The following CSMD1 variants were observed in gnomAD, a reference collection of about 807,000 sequenced individuals.
The protein encoded by CSMD1 is CUB and sushi domain-containing protein 1.
Under a neutral mutation model 417.5 loss-of-function variants are expected in CSMD1, and 213 were observed. The observed-to-expected ratio is 0.51, with a 90% confidence interval of 0.46 to 0.57. The LOEUF (loss-of-function observed/expected upper bound fraction) is 0.57, where lower values mean the gene tolerates loss of function less well. Ranked by LOEUF, CSMD1 falls within the 20% of genes least tolerant of loss-of-function variation. CSMD1 has a pLI of 0.00. For missense variants in CSMD1, 6,923 were observed against 4,529.7 expected (o/e 1.53, Z -15.17); for synonymous variants, 2,862 against 1,736.8 (o/e 1.65, Z -16.11).
At chr8:3,372,489 A>C (rs1190348782) in intron 18 of CSMD1, among the ~76,000 whole-genome samples, 2 of 152,158 alleles carry the variant, frequency 1.3e-5, no homozygotes, top group Non-Finnish European at 2.9e-5. Context: ...CAGGACCCCG[A>C]ACCAGGGCAT....
Position 3,289,309 on chromosome 8 carries a change from C to T in CSMD1, c.3951-4963G>A, listed in dbSNP as rs577884121. 2.2e-4 allele frequency among the ~76,000 whole-genome samples: 32 copies of T among 147,188 alleles called. 2 individuals are homozygous for T. Among genetic ancestry groups the T allele is most frequent in the African/African-American group, 7.8e-4 (29 of 36,970 alleles). Reference sequence around the variant, plus strand: ...CATACGTGTGCATGTGTCTTTATAGCAGCATGATTTATAATCCTTTGGGTA... The same window carrying T: ...CATACGTGTGCATGTGTCTTTATAGTAGCATGATTTATAATCCTTTGGGTA... On this transcript the variant is annotated intron_variant, in intron 25 of 69. Transcript: ENST00000635120.
chr8:3,682,811 G>C (rs1014168144), intron 7 of CSMD1, among the ~76,000 whole-genome samples: 1 of 152,222 alleles, frequency 6.6e-6, no homozygotes, highest in Non-Finnish European at 1.5e-5. Context: ...AACAATGACA[G>C]ATGGGATTAA....
At chr8:3,293,388 G>C (rs1356602297) in intron 25 of CSMD1, among the ~76,000 whole-genome samples, 1 of 152,036 alleles carries the variant, frequency 6.6e-6, no homozygotes, top group Non-Finnish European at 1.5e-5. Flanking sequence ...GCTAGATTGG[G>C]GAATTTCTCC....
intron 66 of CSMD1, among the ~76,000 whole-genome samples, chr8:2,950,577 C>G (rs1802561237): frequency 6.6e-6 from 1 of 152,102 alleles, no homozygotes; most frequent in Non-Finnish European, 1.5e-5. Context: ...CCACTAAGTT[C>G]AATATCCTTA....
chr8:4,851,881 C>A (rs951145838), intron 1 of CSMD1, among the ~76,000 whole-genome samples: 1 of 152,164 alleles, frequency 6.6e-6, no homozygotes, highest in Non-Finnish European at 1.5e-5. Flanking sequence ...ATTTCTCACA[C>A]CCCATAGAGA....
chr8:4,641,704 G>C (rs573182760), intron 1 of CSMD1, among the ~76,000 whole-genome samples: 2 of 152,270 alleles, frequency 1.3e-5, no homozygotes, highest in African/African-American at 4.8e-5. Flanking sequence ...CAGACCTCAT[G>C]TATGGTGATC....
intron 3 of CSMD1, among the ~76,000 whole-genome samples, chr8:4,241,025 G>C (rs1231388389): frequency 1.3e-5 from 2 of 152,118 alleles, no homozygotes; most frequent in Admixed American, 6.5e-5. Context: ...TGACTGACTA[G>C]TGTTATTTCT....
chr8:4,680,206 C>T (rs1362099654), intron 1 of CSMD1, among the ~76,000 whole-genome samples: 1 of 152,148 alleles, frequency 6.6e-6, no homozygotes, highest in Non-Finnish European at 1.5e-5. Flanking sequence ...TAATTGTGTT[C>T]TGCAAAAATG....
chr8:4,713,069 T>A (rs1808412823), intron 1 of CSMD1, among the ~76,000 whole-genome samples: 1 of 152,178 alleles, frequency 6.6e-6, no homozygotes, highest in South Asian at 2.1e-4. Flanking sequence ...CCAGAATCGG[T>A]CCCCGCTGCA....
At chr8:4,310,645 T>G (rs892151319) in intron 3 of CSMD1, among the ~76,000 whole-genome samples, 2 of 152,164 alleles carry the variant, frequency 1.3e-5, no homozygotes, top group Non-Finnish European at 2.9e-5. Context: ...CAGACACATT[T>G]GACCGAGACT....
Position 2,974,501 on chromosome 8 carries a change from C to A in CSMD1, c.8690G>T (p.Arg2897Ile). 1 of 1,613,660 alleles carries A rather than the reference C, an allele frequency of 6.2e-7. No individual in the cohort carries two copies. The highest frequency in any genetic ancestry group is 8.5e-7 in the Non-Finnish European group (1 of 1,179,674). ...GSESLIGNDT[R>I]VCQEDSHWSG... ...CCAGTGACTGTCTTCCTGGCACACT[C>A]TCGTGTCGTTGCCTATGAGGCTCTC... The change falls in exon 56 of 70, where the codon AGA becomes ATA. Residue 2897 changes from arginine to isoleucine, a missense_variant. Transcript: ENST00000635120.
chr8:4,285,469 C>T (rs779125), intron 3 of CSMD1, among the ~76,000 whole-genome samples: 152,177 of 152,330 alleles, frequency 1, 76,012 homozygotes, highest in Middle Eastern at 1. Context: ...TGAAATAATA[C>T]AGAAAAAAAG....
intron 1 of CSMD1, among the ~76,000 whole-genome samples, chr8:4,967,428 G>A (rs977773422): frequency 1.3e-5 from 2 of 152,084 alleles, no homozygotes; most frequent in Non-Finnish European, 2.9e-5. Flanking sequence ...ACATTAGTAA[G>A]CACTACTAAG....
intron 1 of CSMD1, among the ~76,000 whole-genome samples, chr8:4,871,720 C>T (rs1001858170): frequency 3.3e-5 from 5 of 152,056 alleles, no homozygotes; most frequent in African/African-American, 1.2e-4. Context: ...CAGCTCAATG[C>T]ATAATTTCAG....
intron 3 of CSMD1, among the ~76,000 whole-genome samples, chr8:4,418,580 G>T (rs1031774132): frequency 1.3e-5 from 2 of 152,148 alleles, no homozygotes; most frequent in Admixed American, 6.5e-5. Context: ...AACAAATATT[G>T]TATGTTAACA....
intron 2 of CSMD1, among the ~76,000 whole-genome samples, chr8:4,545,372 T>C (rs1797582684): frequency 6.6e-6 from 1 of 152,304 alleles, no homozygotes; most frequent in East Asian, 1.9e-4. Flanking sequence ...CTCCTCCAAA[T>C]ATGGAGTTTT....
chr8:3,969,477 G>C (rs932183067), intron 5 of CSMD1, among the ~76,000 whole-genome samples: 6 of 152,122 alleles, frequency 3.9e-5, no homozygotes, highest in African/African-American at 1.2e-4. Flanking sequence ...TGGTCTATAA[G>C]TTTGTGTTTT....
At chr8:3,934,893 T>A (rs1039431257) in intron 5 of CSMD1, among the ~76,000 whole-genome samples, 2 of 152,044 alleles carry the variant, frequency 1.3e-5, no homozygotes, top group African/African-American at 4.8e-5. Flanking sequence ...GTATATCTGT[T>A]TGAGTTTTCC....
intron 1 of CSMD1, among the ~76,000 whole-genome samples, chr8:4,834,548 C>G (rs73661154): frequency 0.046 from 6,936 of 151,880 alleles, 575 homozygotes; most frequent in African/African-American, 0.16. Flanking sequence ...CTGAAAACAA[C>G]CAATAGAAGG....
Sources: allele counts gnomAD v4.1 joint callset (sites outside exome capture counted in the v4.1 genomes callset), GRCh38; gene constraint gnomAD v4.1.1; transcripts MANE v1.5; gene names NCBI Gene and HGNC (gene_info 2026-07-23, HGNC 2026-07-21).